Variants in AGAP1 observed in about 807,000 individuals in gnomAD.
AGAP1 encodes ArfGAP with GTPase domain, ankyrin repeat and PH domain 1.
A neutral mutation model predicts 105.3 loss-of-function variants in AGAP1; 29 were observed. That is an observed-to-expected ratio of 0.28 (90% CI 0.21 to 0.38). AGAP1 has a LOEUF of 0.38. AGAP1 is among the 10% of genes least tolerant of loss of function. The probability of loss-of-function intolerance (pLI) is 1.00; values close to 1 mark genes in which losing one functional copy is unlikely to be tolerated. For synonymous variants in AGAP1, 509 were observed against 485.9 expected, an observed-to-expected ratio of 1.05 and a Z score of -0.63; for missense variants, 998 against 1,165.1, an observed-to-expected ratio of 0.86 and a Z score of 2.09.
At chr2:235,803,238 TAAGTTG>T (rs1312754379) in intron 8 of AGAP1, among the ~76,000 whole-genome samples, 28 of 151,886 alleles carry the variant, frequency 1.8e-4, no homozygotes, top group African/African-American at 6.3e-4. Context: ...GGTGTAGTCT[TAAGTTG>T]AAGTTCCTGG....
chr2:235,929,331 A>G (rs2052607038), intron 11 of AGAP1, among the ~76,000 whole-genome samples: 1 of 152,044 alleles, frequency 6.6e-6, no homozygotes, highest in Non-Finnish European at 1.5e-5. Context: ...CCTCTTGGCG[A>G]TGCTGCTTCT....
At position 235,872,118 on chromosome 2, in the gene AGAP1, A is replaced by T. The variant is rs1377116850; in HGVS notation, c.1051-11227A>T. On this transcript the variant is annotated intron_variant, in intron 9 of 17. Coordinates refer to ENST00000304032, the MANE Select transcript of AGAP1 (RefSeq NM_001037131.3). This position sits in a 1 kb window ranked among gnomAD's most constrained non-coding sequence, Gnocchi z 4.5. ...TATTCATACTCTTTGGAACCCAGTT[A>T]AAGGTGTCATATCAATTCCTGTCCA... Among the ~76,000 whole-genome samples, 1 of 152,214 alleles carries T rather than the reference A, an allele frequency of 6.6e-6. No homozygotes were observed. Among genetic ancestry groups the T allele is most frequent in the Non-Finnish European group, 1.5e-5 (1 of 68,032 alleles).
chr2:235,921,177 T>G (rs1487700120), intron 11 of AGAP1, among the ~76,000 whole-genome samples: 1 of 152,156 alleles, frequency 6.6e-6, no homozygotes, highest in African/African-American at 2.4e-5. Context: ...AGCCAGAAAT[T>G]GGAAACAACC....
chr2:235,674,854 A>T (rs1271026038), intron 1 of AGAP1, among the ~76,000 whole-genome samples: 1 of 151,760 alleles, frequency 6.6e-6, no homozygotes, highest in African/African-American at 2.4e-5. Context: ...GCACCCAGCT[A>T]ATTTTTGTGT....
rs6719703 is a variant in AGAP1 at position 235,517,074 on chromosome 2, A to G, written c.163+22225A>G. The stretch of plus-strand genomic sequence containing the variant: ...ACCACAGACTGGGAGGCCCAAACGT[A>G]TTTTCTCACAGTTCTGGAGGTTGAG... On this transcript the variant is annotated intron_variant, in intron 1 of 17. Coordinates refer to ENST00000304032, the MANE Select transcript of AGAP1 (RefSeq NM_001037131.3). The surrounding 1 kb of genome is among the most constrained non-coding windows in gnomAD (Gnocchi z 4.1). Among the ~76,000 whole-genome samples the G allele has an allele frequency of 0.013, 1,939 of 152,162 alleles. 32 individuals carry two copies. Among genetic ancestry groups the G allele is most frequent in the African/African-American group, 0.044 (1,825 of 41,512 alleles).
chr2:236,111,724 C>T (rs1298608670), intron 16 of AGAP1, among the ~76,000 whole-genome samples: 5 of 149,554 alleles, frequency 3.3e-5, no homozygotes. Context: ...CCCAGGAGTT[C>T]GAGGCTGCAG....
In AGAP1 at chr2:236,104,251, C is replaced by G. The variant is rs114204773; in HGVS notation, c.2115-15941C>G. On this transcript the variant is annotated intron_variant, in intron 16 of 17. Transcript: ENST00000304032. The surrounding 1 kb of genome is among the most constrained non-coding windows in gnomAD (Gnocchi z 4.7). ...TTGGCTGCTGTGAGAGATACGCCAC[C>G]AGGCCAGGCTGACATGGGCAGTTCC... is the stretch of plus-strand genomic sequence containing the variant. Among the ~76,000 whole-genome samples, 1 of 152,216 alleles carries G rather than the reference C, an allele frequency of 6.6e-6. No homozygotes were observed. Among genetic ancestry groups the G allele is most frequent in the African/African-American group, 2.4e-5 (1 of 41,456 alleles).
At position 235,799,032 on chromosome 2, in the gene AGAP1, C is replaced by A. The variant is rs1335381477; in HGVS notation, c.802-335C>A. ...AGAGCAGTGGAGGGACCATAGAATC[C>A]CTTTAGTTTAACCAACCCCTTTCAT... On this transcript the variant is annotated intron_variant, in intron 7 of 17. Transcript: ENST00000304032. This position sits in a 1 kb window ranked among gnomAD's most constrained non-coding sequence, Gnocchi z 5.0. Among the ~76,000 whole-genome samples the A allele has an allele frequency of 6.6e-6, 1 of 151,982 alleles. No individual in the cohort carries two copies. Among genetic ancestry groups the A allele is most frequent in the Non-Finnish European group, 1.5e-5 (1 of 67,998 alleles).
intron 1 of AGAP1, among the ~76,000 whole-genome samples, chr2:235,591,880 C>G (rs1436829832): frequency 7.0e-6 from 1 of 142,230 alleles, no homozygotes; most frequent in African/African-American, 2.6e-5. Flanking sequence ...CTCTCTTGCT[C>G]CTCTCTTGCC....
chr2:235,713,790 G>A (rs1476993136), intron 2 of AGAP1, among the ~76,000 whole-genome samples: 1 of 152,152 alleles, frequency 6.6e-6, no homozygotes, highest in East Asian at 1.9e-4. Context: ...CACAGTTCTG[G>A]AGGCCAGGAA....
At chr2:235,709,423 C>T (rs79978771) in intron 2 of AGAP1, among the ~76,000 whole-genome samples, 186 bp downstream of exon 2, 5 of 152,122 alleles carry the variant, frequency 3.3e-5, no homozygotes, top group South Asian at 2.1e-4. Context: ...CCTGAGTGCC[C>T]CTGGGACAGC....
At chr2:235,886,545 T>G (rs1389182677) in intron 10 of AGAP1, among the ~76,000 whole-genome samples, 6 of 152,232 alleles carry the variant, frequency 3.9e-5, no homozygotes, top group Non-Finnish European at 8.8e-5. Flanking sequence ...TGTTTGCCAA[T>G]TCCATCCTTT....
At position 235,709,257 on chromosome 2, in the gene AGAP1, C is replaced by T. The variant is rs1245582557; in HGVS notation, c.222+20C>T. On this transcript the variant is annotated intron_variant, in intron 2 of 17. Coordinates refer to ENST00000304032, the MANE Select transcript of AGAP1 (RefSeq NM_001037131.3). Reference sequence around the variant, plus strand: ...AAAGTGGTGAGTGGTTCCCTCTGGCCCTGGCACCTGTGGGAAGGGAGGGGC... The same window carrying T: ...AAAGTGGTGAGTGGTTCCCTCTGGCTCTGGCACCTGTGGGAAGGGAGGGGC... The T allele has an allele frequency of 1.2e-6, 2 of 1,613,130 alleles. No individual in the cohort carries two copies. Among genetic ancestry groups the T allele is most frequent in the Non-Finnish European group, 1.7e-6 (2 of 1,179,330 alleles).
In AGAP1 at chr2:235,875,802, G is replaced by A. The variant is rs879781968; in HGVS notation, c.1051-7543G>A. ...CAGTGATTTTGATGGCTGTTTATCC[G>A]GACTAATCAGACAAAAACATCTTCC... On this transcript the variant is annotated intron_variant, in intron 9 of 17. Transcript: ENST00000304032. The surrounding 1 kb of genome is among the most constrained non-coding windows in gnomAD (Gnocchi z 4.0). Among the ~76,000 whole-genome samples the A allele has an allele frequency of 3.9e-5, 6 of 152,072 alleles. No homozygotes were observed. Among genetic ancestry groups the A allele is most frequent in the East Asian group, 1.9e-4 (1 of 5,192 alleles).
intron 1 of AGAP1, among the ~76,000 whole-genome samples, chr2:235,529,181 G>A (rs1559226391): frequency 6.6e-6 from 1 of 152,210 alleles, no homozygotes; most frequent in Non-Finnish European, 1.5e-5. Flanking sequence ...CCAGGCAAGT[G>A]TTGCCTTGGC....
intron 2 of AGAP1, among the ~76,000 whole-genome samples, chr2:235,713,026 C>T (rs1293042054): frequency 6.6e-6 from 1 of 152,190 alleles, no homozygotes; most frequent in Non-Finnish European, 1.5e-5. Context: ...AACCCCTTCC[C>T]ACTCCACTCC....
In AGAP1 at chr2:235,750,279, G is replaced by A. The variant is rs985159965; in HGVS notation, c.539-75G>A. On this transcript the variant is annotated intron_variant, in intron 5 of 17. Transcript: ENST00000304032. This position sits in a 1 kb window ranked among gnomAD's most constrained non-coding sequence, Gnocchi z 5.3. ...CTGCTGAGTAAGGTACTGGTTTTCC[G>A]TGTTGTGGGGAGTGTAGGAAGTATT... The A allele has an allele frequency of 2.8e-5, 45 of 1,587,314 alleles. No homozygotes were observed. Among genetic ancestry groups the A allele is most frequent in the Non-Finnish European group, 3.4e-5 (39 of 1,158,524 alleles).
chr2:235,926,131 G>A (rs1285174535), intron 11 of AGAP1, among the ~76,000 whole-genome samples: 1 of 152,136 alleles, frequency 6.6e-6, no homozygotes, highest in Non-Finnish European at 1.5e-5. Context: ...GCATTAGTAG[G>A]TCAATTAGTT....
chr2:235,784,266 A>G (rs1158686073), intron 6 of AGAP1, among the ~76,000 whole-genome samples: 1 of 152,140 alleles, frequency 6.6e-6, no homozygotes, highest in Non-Finnish European at 1.5e-5. Context: ...AGGAGCCACA[A>G]TTTTTACAAA....
Sources: allele counts gnomAD v4.1 joint callset (sites outside exome capture counted in the v4.1 genomes callset), GRCh38; gene constraint gnomAD v4.1.1; non-coding constraint Gnocchi (gnomAD v3.1); transcripts MANE v1.5; gene names NCBI Gene and HGNC (gene_info 2026-07-23, HGNC 2026-07-21).